Variants in POLD3 observed in about 807,000 individuals in gnomAD.
POLD3 encodes DNA polymerase delta 3, accessory subunit.
POLD3 carries 19 observed loss-of-function variants against 58.2 expected under a neutral mutation model. That is an observed-to-expected ratio of 0.33 (90% CI 0.23 to 0.48). The LOEUF is 0.48. Among genes scored for constraint, POLD3 ranks in the 20% least tolerant of loss-of-function variants. The pLI, the probability that POLD3 is intolerant of heterozygous loss-of-function variation, is 0.99. For synonymous variants in POLD3, 172 were observed against 193.5 expected (o/e 0.89, Z 0.92); for missense variants, 504 against 545.5 (o/e 0.92, Z 0.76).
intron 3 of POLD3, among the ~76,000 whole-genome samples, chr11:74,608,099 T>TC (rs1021624142): frequency 6.6e-6 from 1 of 152,202 alleles, no homozygotes; most frequent in Non-Finnish European, 1.5e-5. Context: ...CTTTATGGGT[T>TC]CCCTGTTAGC....
intron 5 of POLD3, 53 bp from the exon 6 acceptor site, chr11:74,618,484 C>T: frequency 1.5e-6 from 2 of 1,345,998 alleles, no homozygotes; most frequent in Non-Finnish European, 1.0e-6. Context: ...TTTGTTGAAC[C>T]ACCCAAGAAT....
intron 9 of POLD3, among the ~76,000 whole-genome samples, chr11:74,630,014 A>T (rs1432147672): frequency 2.6e-5 from 4 of 152,196 alleles, no homozygotes; most frequent in African/African-American, 9.7e-5. Context: ...AAAAGTTTGA[A>T]CTGCTCTAAT....
At chr11:74,665,391 ATTTTTT>A (rs1202426924) in intron 4 of POLD3, among the ~76,000 whole-genome samples, 991 of 83,334 alleles carry the variant, frequency 0.012, 17 homozygotes, top group African/African-American at 0.047. Context: ...CCCTTTTATA[ATTTTTT>A]TTTTTTTTTT....
chr11:74,614,146 C>T (rs556013835), intron 5 of POLD3, among the ~76,000 whole-genome samples: 2 of 152,272 alleles, frequency 1.3e-5, no homozygotes, highest in African/African-American at 4.8e-5. Flanking sequence ...TATGCTTTGA[C>T]TACTAGGATA....
intron 4 of POLD3, among the ~76,000 whole-genome samples, chr11:74,664,738 G>A (rs936553584): frequency 6.6e-6 from 1 of 152,200 alleles, no homozygotes; most frequent in African/African-American, 2.4e-5. Context: ...TTTAATATCT[G>A]AAAAATCAAT....
intron 4 of POLD3, among the ~76,000 whole-genome samples, chr11:74,650,656 C>T (rs2033057520): frequency 6.6e-6 from 1 of 152,130 alleles, no homozygotes; most frequent in Non-Finnish European, 1.5e-5. Context: ...GAGCACTGTC[C>T]CCTTGTGGTT....
At chr11:74,622,057 TC>T (rs1371835651) in intron 7 of POLD3, among the ~76,000 whole-genome samples, 3 of 148,992 alleles carry the variant, frequency 2.0e-5, no homozygotes, top group African/African-American at 7.4e-5. Context: ...AGTGTGATGT[TC>T]CCCTTCCTGT....
chr11:74,598,168 G>A (rs780663464), intron 2 of POLD3, among the ~76,000 whole-genome samples: 2 of 152,140 alleles, frequency 1.3e-5, no homozygotes, highest in South Asian at 2.1e-4. Flanking sequence ...TTCAGATTAG[G>A]TGTTAGTTCA....
chr11:74,608,279 CT>C (rs1324708968), intron 3 of POLD3, among the ~76,000 whole-genome samples: 1 of 152,140 alleles, frequency 6.6e-6, no homozygotes, highest in Admixed American at 6.5e-5. Context: ...CCATGCCCAG[CT>C]TATTTTTTAT....
At chr11:74,635,255 T>C (rs1189713311) in intron 10 of POLD3, among the ~76,000 whole-genome samples, 1 of 152,242 alleles carries the variant, frequency 6.6e-6, no homozygotes, top group Non-Finnish European at 1.5e-5. Flanking sequence ...TAATTCATTG[T>C]GTTAAGACCA....
intron 3 of POLD3, among the ~76,000 whole-genome samples, chr11:74,609,412 G>GA (rs2031828983): frequency 9.2e-5 from 1 of 10,868 alleles, no homozygotes. Context: ...ATGGACTTTT[G>GA]CCTGTTGGCC....
intron 4 of POLD3, among the ~76,000 whole-genome samples, chr11:74,664,164 A>G (rs2033238279): frequency 6.6e-6 from 1 of 152,238 alleles, no homozygotes; most frequent in Admixed American, 6.5e-5. Flanking sequence ...GAATGTAAGC[A>G]AAAGTCTCAT....
intron 4 of POLD3, among the ~76,000 whole-genome samples, chr11:74,667,099 A>G (rs1189791948): frequency 6.6e-6 from 1 of 152,228 alleles, no homozygotes; most frequent in South Asian, 2.1e-4. Context: ...TACCATGCAT[A>G]GAAATTAATG....
At chr11:74,600,813 G>C (rs989059438) in intron 2 of POLD3, among the ~76,000 whole-genome samples, 2 of 142,628 alleles carry the variant, frequency 1.4e-5, no homozygotes, top group African/African-American at 5.2e-5. Context: ...TGTCTCCCAG[G>C]TTCAAGCGAT....
downstream of POLD3, among the ~76,000 whole-genome samples, chr11:74,643,569 G>A (rs59958321): frequency 0.13 from 19,808 of 152,202 alleles, 1,676 homozygotes; most frequent in African/African-American, 0.24. Flanking sequence ...TTCTTTGAAT[G>A]ATGAGCAGGA....
intron 4 of POLD3, among the ~76,000 whole-genome samples, chr11:74,668,051 T>C (rs188636801): frequency 1.3e-5 from 2 of 152,316 alleles, no homozygotes; most frequent in East Asian, 3.9e-4. Flanking sequence ...CCCACTAGAA[T>C]TGCTGTAAAC....
intron 4 of POLD3, among the ~76,000 whole-genome samples, chr11:74,666,553 G>GGAGAGA (rs141160521): frequency 4.0e-5 from 6 of 149,968 alleles, no homozygotes; most frequent in African/African-American, 1.2e-4. Flanking sequence ...CCCAGGAAGT[G>GGAGAGA]GAGAGAGAGA....
At position 74,643,012 on chromosome 11, in the gene POLD3, T is replaced by G. The variant is rs767836292; in HGVS notation, c.*2246T>G. 1 of 781,258 alleles carries G rather than the reference T, an allele frequency of 1.3e-6. No homozygotes were observed. Among genetic ancestry groups the G allele is most frequent in the Non-Finnish European group, 1.6e-6 (1 of 643,802 alleles). 48.4% of individuals were successfully genotyped at this position (781,258 alleles called of 1,614,324 possible). A position where few individuals can be genotyped will look rare whatever the true frequency, so the allele number is the denominator to read the frequency against. ...GCTAGCTGTATGACTGTGGGCAAGT[T>G]TCACAGCCTCAAGTTCTTTATCAAA... On this transcript the variant is annotated 3_prime_UTR_variant, in exon 12 of 12. Coordinates refer to ENST00000263681, the MANE Select transcript of POLD3 (RefSeq NM_006591.3).
intron 11 of POLD3, 37 bp from the exon 12 acceptor site, chr11:74,640,527 A>G: frequency 2.7e-6 from 4 of 1,467,126 alleles, no homozygotes; most frequent in Non-Finnish European, 3.6e-6. Flanking sequence ...TAAATGATTC[A>G]GCCCACCCAT....
Sources: allele counts gnomAD v4.1 joint callset (sites outside exome capture counted in the v4.1 genomes callset), GRCh38; gene constraint gnomAD v4.1.1; transcripts MANE v1.5; gene names NCBI Gene and HGNC (gene_info 2026-07-23, HGNC 2026-07-21).